GLIS3: variants seen among roughly 807,000 people sequenced by gnomAD.
The protein encoded by GLIS3 is zinc finger protein GLIS3.
Under a neutral mutation model 78.6 loss-of-function variants are expected in GLIS3, and 53 were observed. The ratio of observed to expected loss-of-function variants is 0.67; its 90% confidence interval spans 0.54 to 0.85. The LOEUF is 0.85. Ranked by LOEUF, GLIS3 falls within the 40% of genes least tolerant of loss-of-function variation. The probability of loss-of-function intolerance (pLI) is 0.00; values close to 1 mark genes in which losing one functional copy is unlikely to be tolerated. For missense variants in GLIS3, 1,703 were observed against 1,231.1 expected (o/e 1.38, Z -5.74); for synonymous variants, 684 against 509.9 (o/e 1.34, Z -4.60).
At chr9:4,415,318 G>C in the GLIS3 span, among the ~76,000 whole-genome samples, 1 of 152,170 alleles carries the variant, frequency 6.6e-6, no homozygotes, top group African/African-American at 2.4e-5. Flanking sequence ...AGTCCTGGCA[G>C]GGTAAATACA....
At chr9:4,402,720 A>G in the GLIS3 span, among the ~76,000 whole-genome samples, 2 of 152,214 alleles carry the variant, frequency 1.3e-5, no homozygotes, top group Admixed American at 1.3e-4. Flanking sequence ...AGTAGAATTG[A>G]TTAAGCAGAA....
intron 2 of GLIS3, among the ~76,000 whole-genome samples, chr9:4,330,304 C>T (rs1490759292): frequency 6.6e-6 from 1 of 152,240 alleles, no homozygotes; most frequent in African/African-American, 2.4e-5. Context: ...TGTTAAAACA[C>T]AGATTGCTGG....
chr9:4,426,328 G>T, the GLIS3 span, among the ~76,000 whole-genome samples: 1 of 152,118 alleles, frequency 6.6e-6, no homozygotes, highest in Non-Finnish European at 1.5e-5. Context: ...CCCACCTCCT[G>T]CTCCAAAGGT....
intron 2 of GLIS3, among the ~76,000 whole-genome samples, chr9:4,171,210 C>T (rs1022279752): frequency 6.6e-6 from 1 of 152,104 alleles, no homozygotes; most frequent in African/African-American, 2.4e-5. Flanking sequence ...TATACATATA[C>T]ATATAAGTAC....
In GLIS3 at chr9:4,216,998, G is replaced by T. The variant is rs185274468; in HGVS notation, c.388+69040C>A. On this transcript the variant is annotated intron_variant, in intron 2 of 10. Transcript: ENST00000381971. ...AAGGAGAATGGAGCCACATTAAAGG[G>T]ATTCAGCTGCTACCAGGACTTGTGG... Among the ~76,000 whole-genome samples, 14 of 152,316 alleles carry T rather than the reference G, an allele frequency of 9.2e-5. No individual in the cohort carries two copies. The East Asian group carries it at 2.7e-3, about 29-fold the overall frequency.
chr9:4,364,903 C>A, the GLIS3 span, among the ~76,000 whole-genome samples: 3 of 151,974 alleles, frequency 2.0e-5, no homozygotes, highest in African/African-American at 7.2e-5. Context: ...CTTGCCTCAG[C>A]CTCCCAAGTA....
At chr9:3,944,051 C>A (rs1192519405) in intron 4 of GLIS3, among the ~76,000 whole-genome samples, 1 of 152,104 alleles carries the variant, frequency 6.6e-6, no homozygotes, top group Non-Finnish European at 1.5e-5. Flanking sequence ...CTGAAATGGA[C>A]AGTACATACA....
At chr9:3,956,665 A>G (rs370451111) in intron 4 of GLIS3, among the ~76,000 whole-genome samples, 21 of 152,162 alleles carry the variant, frequency 1.4e-4, no homozygotes, top group African/African-American at 4.8e-4. Flanking sequence ...TCCTGTTTTG[A>G]TCTCACAGAC....
At chr9:4,483,445 T>A in the GLIS3 span, among the ~76,000 whole-genome samples, 3 of 151,954 alleles carry the variant, frequency 2.0e-5, no homozygotes, top group African/African-American at 7.3e-5. Context: ...GGTGGCTGGG[T>A]GCGGTGGCTC....
At chr9:4,175,975 C>T (rs2131149904) in intron 2 of GLIS3, among the ~76,000 whole-genome samples, 1 of 152,258 alleles carries the variant, frequency 6.6e-6, no homozygotes, top group East Asian at 1.9e-4. Flanking sequence ...TTTTTCTGAG[C>T]TAATGAAAAT....
the GLIS3 span, among the ~76,000 whole-genome samples, chr9:4,438,535 A>C: frequency 1.3e-5 from 2 of 152,142 alleles, no homozygotes; most frequent in Non-Finnish European, 2.9e-5. Context: ...CATCAGAAGA[A>C]ATAGCTTATC....
intron 1 of GLIS3, among the ~76,000 whole-genome samples, chr9:4,348,021 A>T (rs1817916777): frequency 6.6e-6 from 1 of 152,232 alleles, no homozygotes; most frequent in Non-Finnish European, 1.5e-5. Context: ...AACCAATTTA[A>T]AATGTTCATA....
chr9:3,909,633 G>A (rs190935053), intron 6 of GLIS3, among the ~76,000 whole-genome samples: 2 of 152,328 alleles, frequency 1.3e-5, no homozygotes, highest in Admixed American at 1.3e-4. Flanking sequence ...GGGTACACAT[G>A]CTGGGGTATA....
the GLIS3 span, among the ~76,000 whole-genome samples, chr9:4,473,454 C>CACCAAAAAAAAAAAAAAA: frequency 1.7e-5 from 1 of 58,852 alleles, no homozygotes. Flanking sequence ...TCAACAACAA[C>CACCAAAAAAAAAAAAAAA]AACAACAAAA....
At chr9:4,283,653 C>G (rs1587299933) in intron 2 of GLIS3, among the ~76,000 whole-genome samples, 1 of 152,218 alleles carries the variant, frequency 6.6e-6, no homozygotes, top group African/African-American at 2.4e-5. Context: ...GCTATTGCAT[C>G]TCCAGAACAG....
chr9:3,840,729 G>C (rs1227948609), intron 9 of GLIS3, among the ~76,000 whole-genome samples: 1 of 152,182 alleles, frequency 6.6e-6, no homozygotes, highest in Non-Finnish European at 1.5e-5. Flanking sequence ...GTAGCATGAA[G>C]GCTTCTAATT....
chr9:4,019,255 C>T (rs1822677642), intron 4 of GLIS3, among the ~76,000 whole-genome samples: 1 of 152,152 alleles, frequency 6.6e-6, no homozygotes, highest in African/African-American at 2.4e-5. Flanking sequence ...TCCTTTGTCC[C>T]TCACAATCAT....
chr9:4,195,979 G>C (rs1168742726), intron 2 of GLIS3, among the ~76,000 whole-genome samples: 1 of 150,984 alleles, frequency 6.6e-6, no homozygotes, highest in African/African-American at 2.4e-5. Context: ...TCTAGGTCAA[G>C]GTTTGTAAAT....
intron 4 of GLIS3, among the ~76,000 whole-genome samples, chr9:3,975,417 C>T (rs911631490): frequency 6.6e-6 from 1 of 152,132 alleles, no homozygotes; most frequent in African/African-American, 2.4e-5. Context: ...CCTTCAGAAC[C>T]CTGTTTAGTA....
Sources: gnomAD v4.1 joint callset for allele counts (sites outside exome capture counted in the v4.1 genomes callset) on GRCh38, gnomAD v4.1.1 for gene constraint, MANE v1.5 for transcripts, NCBI Gene and HGNC (gene_info 2026-07-23, HGNC 2026-07-21) for gene names.